The following RTN4RL1 variants were observed in gnomAD, a reference collection of about 807,000 sequenced individuals.
RTN4RL1 encodes the protein reticulon 4 receptor like 1, also known as reticulon-4 receptor-like 1.
RTN4RL1 carries 7 observed loss-of-function variants against 25.6 expected under a neutral mutation model. That is an observed-to-expected ratio of 0.27 (90% CI 0.16 to 0.51). RTN4RL1 has a LOEUF of 0.51. RTN4RL1 is among the 20% of genes least tolerant of loss of function. The pLI is 0.97. For synonymous variants in RTN4RL1, 297 were observed against 288.2 expected, an observed-to-expected ratio of 1.03 and a Z score of -0.31; for missense variants, 500 against 615.6, an observed-to-expected ratio of 0.81 and a Z score of 1.99.
At chr17:1,946,444 G>A (rs948733964) in intron 1 of RTN4RL1, among the ~76,000 whole-genome samples, 3 of 152,260 alleles carry the variant, frequency 2.0e-5, no homozygotes, top group Non-Finnish European at 4.4e-5. Flanking sequence ...GCATGTGTAC[G>A]TGTGTGCACA....
chr17:2,004,066 G>A (rs2066976753), intron 1 of RTN4RL1, among the ~76,000 whole-genome samples: 1 of 143,544 alleles, frequency 7.0e-6, no homozygotes, highest in Non-Finnish European at 1.5e-5. Context: ...GTGAGACCCT[G>A]TCTCAAAAAA....
intron 1 of RTN4RL1, among the ~76,000 whole-genome samples, chr17:1,957,874 G>GAACAAACA (rs35067383): frequency 2.7e-5 from 4 of 148,384 alleles, no homozygotes; most frequent in Non-Finnish European, 5.9e-5. Flanking sequence ...ACAAACAAAC[G>GAACAAACA]AACAAACAAA....
chr17:1,961,654 G>A (rs2066761870), intron 1 of RTN4RL1, among the ~76,000 whole-genome samples: 2 of 151,866 alleles, frequency 1.3e-5, no homozygotes, highest in South Asian at 2.1e-4. Context: ...GGGGCCAGGC[G>A]CGGTGGCTCA....
chr17:1,996,071 C>A (rs1567519727), intron 1 of RTN4RL1, among the ~76,000 whole-genome samples: 1 of 152,288 alleles, frequency 6.6e-6, no homozygotes, highest in South Asian at 2.1e-4. Context: ...GGCTGCCTGG[C>A]AGGAGAAGGG....
chr17:2,016,508 G>A (rs2067125537), intron 1 of RTN4RL1, among the ~76,000 whole-genome samples: 1 of 152,218 alleles, frequency 6.6e-6, no homozygotes. Flanking sequence ...CCCCAGAGCT[G>A]ACCGAACACA....
chr17:1,953,938 C>T lies in RTN4RL1; in HGVS notation c.14-16130G>A, dbSNP rs991437728. Among the ~76,000 whole-genome samples, 10 of 152,194 alleles carry T rather than the reference C, an allele frequency of 6.6e-5. No individual in the cohort carries two copies. The East Asian group carries it at 9.6e-4, about 15-fold the overall frequency. On this transcript the variant is annotated intron_variant, in intron 1 of 1. Coordinates refer to ENST00000331238, the MANE Select transcript of RTN4RL1 (RefSeq NM_178568.4). The stretch of plus-strand genomic sequence containing the variant: ...CCTCCTGCCTCTGGGTGTGGCTGGA[C>T]GAGCATGAAATGCATGGCCCTGAAG...
chr17:1,936,360 C>G lies in RTN4RL1; in HGVS notation c.*136G>C. 6.9e-7 allele frequency: 1 copy of G among 1,441,254 alleles called. No homozygotes were observed. Among genetic ancestry groups the G allele is most frequent in the Non-Finnish European group, 9.1e-7 (1 of 1,103,474 alleles). 89.3% of individuals were successfully genotyped at this position (1,441,254 alleles called of 1,614,324 possible). A position where few individuals can be genotyped will look rare whatever the true frequency, so the allele number is the denominator to read the frequency against. ...TATAATCCACATGGCAGGGTCCAGA[C>G]GTCCAGACAGCAGCCGAAGGCTCTA... On this transcript the variant is annotated 3_prime_UTR_variant, in exon 2 of 2. Coordinates refer to ENST00000331238, the MANE Select transcript of RTN4RL1 (RefSeq NM_178568.4).
At chr17:1,941,224 C>T (rs1182367383) in intron 1 of RTN4RL1, among the ~76,000 whole-genome samples, 2 of 152,140 alleles carry the variant, frequency 1.3e-5, no homozygotes, top group Non-Finnish European at 2.9e-5. Flanking sequence ...GACATTTCCC[C>T]GTCAGACACA....
chr17:1,979,881 A>C (rs941623106), intron 1 of RTN4RL1, among the ~76,000 whole-genome samples: 1 of 152,096 alleles, frequency 6.6e-6, no homozygotes, highest in African/African-American at 2.4e-5. Flanking sequence ...CAGACCCGGA[A>C]TTGCGTGGAG....
intron 1 of RTN4RL1, among the ~76,000 whole-genome samples, chr17:1,941,188 G>A (rs2151304707): frequency 6.6e-6 from 1 of 152,336 alleles, no homozygotes; most frequent in African/African-American, 2.4e-5. Flanking sequence ...GACACCCGGA[G>A]AAGCTAATAG....
intron 1 of RTN4RL1, among the ~76,000 whole-genome samples, chr17:1,949,668 G>A (rs560093795): frequency 3.9e-5 from 6 of 152,278 alleles, no homozygotes; most frequent in Admixed American, 3.9e-4. Flanking sequence ...ACTGAGCTCC[G>A]GGTTTGCTTC....
intron 1 of RTN4RL1, among the ~76,000 whole-genome samples, chr17:2,011,932 A>AT (rs938110929): frequency 6.6e-6 from 1 of 151,934 alleles, no homozygotes; most frequent in Non-Finnish European, 1.5e-5. Context: ...GCTTGGGGAG[A>AT]TTCTTTTTAA....
intron 1 of RTN4RL1, among the ~76,000 whole-genome samples, chr17:1,997,447 CGCAT>C (rs1483638361): frequency 6.6e-6 from 1 of 152,214 alleles, no homozygotes; most frequent in Non-Finnish European, 1.5e-5. Context: ...CTGAAATCAT[CGCAT>C]GTGTTTACTT....
intron 1 of RTN4RL1, among the ~76,000 whole-genome samples, chr17:1,942,037 G>A (rs934323289): frequency 8.5e-5 from 13 of 152,128 alleles, no homozygotes; most frequent in Admixed American, 7.8e-4. Context: ...GACTCTCTCC[G>A]GAGGAGCCCT....
Position 1,936,907 on chromosome 17 carries a change from C to T in RTN4RL1, c.915G>A (p.Thr305=), listed in dbSNP as rs200128542. ...LLRAEDFRNC[T]GPASPHQIKS... ...TGATCTGGTGCGGGGACGCTGGTCC[C>T]GTGCAGTTCCGGAAGTCCTCGGCCC... Residue 305 remains threonine, a synonymous_variant, in exon 2 of 2, where the codon ACG becomes ACA. Coordinates refer to ENST00000331238, the MANE Select transcript of RTN4RL1 (RefSeq NM_178568.4). 123 of 1,609,688 alleles carry T rather than the reference C, an allele frequency of 7.6e-5. No individual in the cohort carries two copies. The African/African-American group carries it at 1.6e-3, about 20-fold the overall frequency.
intron 1 of RTN4RL1, among the ~76,000 whole-genome samples, chr17:1,999,740 A>T (rs977163873): frequency 6.6e-6 from 1 of 152,096 alleles, no homozygotes; most frequent in Non-Finnish European, 1.5e-5. Flanking sequence ...GCTGGGGAAG[A>T]GCTGCAGCCT....
intron 1 of RTN4RL1, among the ~76,000 whole-genome samples, chr17:1,952,525 A>G (rs1174198762): frequency 1.3e-5 from 2 of 151,478 alleles, no homozygotes; most frequent in Non-Finnish European, 2.9e-5. Context: ...TCATATTTTT[A>G]GTAGAGACGG....
intron 1 of RTN4RL1, among the ~76,000 whole-genome samples, chr17:1,952,736 C>G (rs1289152703): frequency 6.6e-6 from 1 of 151,940 alleles, no homozygotes; most frequent in Non-Finnish European, 1.5e-5. Flanking sequence ...ACCATGTGCT[C>G]CTCTAGAGGA....
chr17:1,982,181 A>G (rs1264950675), intron 1 of RTN4RL1, among the ~76,000 whole-genome samples: 1 of 152,164 alleles, frequency 6.6e-6, no homozygotes, highest in Non-Finnish European at 1.5e-5. Flanking sequence ...AGTGCCTGTA[A>G]TCCCAGCTAT....
Sources: allele counts gnomAD v4.1 joint callset (sites outside exome capture counted in the v4.1 genomes callset), GRCh38; gene constraint gnomAD v4.1.1; transcripts MANE v1.5; gene names NCBI Gene and HGNC (gene_info 2026-07-23, HGNC 2026-07-21).